NEDD4L: variants seen among roughly 807,000 people sequenced by gnomAD.
NEDD4L encodes the protein NEDD4 like E3 ubiquitin protein ligase, also known as E3 ubiquitin-protein ligase NEDD4-like.
A neutral mutation model predicts 148.9 loss-of-function variants in NEDD4L; 54 were observed. The observed-to-expected ratio is 0.36, with a 90% CI of 0.29 to 0.45. The LOEUF (loss-of-function observed/expected upper bound fraction) is 0.45, where lower values mean the gene tolerates loss of function less well. NEDD4L is among the 20% of genes least tolerant of loss of function. The pLI, the probability that NEDD4L is intolerant of heterozygous loss-of-function variation, is 1.00. For missense variants in NEDD4L, 856 were observed against 1,233.8 expected (o/e 0.69, Z 4.59); for synonymous variants, 433 against 440.7 (o/e 0.98, Z 0.22).
chr18:58,189,132 A>G (rs1305283718), intron 2 of NEDD4L, among the ~76,000 whole-genome samples: 2 of 152,208 alleles, frequency 1.3e-5, no homozygotes, highest in Non-Finnish European at 2.9e-5. Context: ...TAAAGAAACC[A>G]TTCTGCTGCA....
At chr18:58,272,851 C>G (rs1392062906) in intron 5 of NEDD4L, among the ~76,000 whole-genome samples, 11 of 152,194 alleles carry the variant, frequency 7.2e-5, no homozygotes. Context: ...GTGGAGACTG[C>G]AGACCATGGC....
At chr18:58,265,569 G>T (rs1254756305) in intron 5 of NEDD4L, among the ~76,000 whole-genome samples, 1 of 151,976 alleles carries the variant, frequency 6.6e-6, no homozygotes, top group Non-Finnish European at 1.5e-5. Context: ...TTTCTTTTGG[G>T]GAATTGAGGG....
chr18:58,095,458 G>A (rs112755435), intron 1 of NEDD4L, among the ~76,000 whole-genome samples: 14,558 of 134,006 alleles, frequency 0.11, 830 homozygotes, highest in African/African-American at 0.18. Context: ...CGCGTGGGGA[G>A]TAATTGGATC....
intron 1 of NEDD4L, among the ~76,000 whole-genome samples, chr18:58,131,574 T>C (rs1441258035): frequency 6.6e-6 from 1 of 151,044 alleles, no homozygotes; most frequent in Non-Finnish European, 1.5e-5. Context: ...CTGTTGGATT[T>C]GGTTGGTTGT....
rs576351227 is a variant in NEDD4L, at chr18:58,133,595, AT to A, written c.49-32185del. On this transcript the variant is annotated intron_variant, in intron 1 of 30. Transcript: ENST00000400345. ...AGTAAAAATCCTAAATTGCAAGTTGATTTTTTTTCTTAATATAGTAATACGT... is the reference window on the plus strand; with the variant it reads ...AGTAAAAATCCTAAATTGCAAGTTGATTTTTTTCTTAATATAGTAATACGT... 2.8e-3 allele frequency among the ~76,000 whole-genome samples: 419 copies of A among 152,114 alleles called. 7 individuals carry two copies. Among genetic ancestry groups the A allele is most frequent in the East Asian group, 2.5e-3 (13 of 5,178 alleles).
At chr18:58,114,120 T>C (rs1246456559) in intron 1 of NEDD4L, among the ~76,000 whole-genome samples, 1 of 152,214 alleles carries the variant, frequency 6.6e-6, no homozygotes, top group Non-Finnish European at 1.5e-5. Flanking sequence ...GAAACCACTT[T>C]TGAGTTTTTA....
In NEDD4L at chr18:58,256,301, G is replaced by C. The variant is rs1384109127; in HGVS notation, c.297+4247G>C. 2 of 1,231,668 alleles carry C rather than the reference G, an allele frequency of 1.6e-6. No individual in the cohort carries two copies. Among genetic ancestry groups the C allele is most frequent in the African/African-American group, 1.6e-5 (1 of 64,404 alleles). 76.3% of individuals were successfully genotyped at this position (1,231,668 alleles called of 1,614,324 possible). The stretch of plus-strand genomic sequence containing the variant: ...TGGCCAGGGCGGCCCGGCCGCGGCA[G>C]AGCCCAGGCGCTGGTCCCTGCAGCA... On this transcript the variant is annotated intron_variant, in intron 5 of 30. Transcript: ENST00000400345. This position sits in a 1 kb window ranked among gnomAD's most constrained non-coding sequence, Gnocchi z 5.2.
At chr18:58,096,754 G>A (rs1186796381) in intron 1 of NEDD4L, among the ~76,000 whole-genome samples, 1 of 152,128 alleles carries the variant, frequency 6.6e-6, no homozygotes, top group Non-Finnish European at 1.5e-5. Flanking sequence ...ACATCAGTAA[G>A]TTCAGAAACC....
intron 19 of NEDD4L, among the ~76,000 whole-genome samples, chr18:58,359,643 A>G (rs1056620713): frequency 6.6e-6 from 1 of 152,150 alleles, no homozygotes; most frequent in Admixed American, 6.5e-5. Flanking sequence ...TGGTTCTTCC[A>G]TCCATTTTTT....
chr18:58,393,865 A>G (rs1317316080), intron 30 of NEDD4L, among the ~76,000 whole-genome samples: 1 of 152,244 alleles, frequency 6.6e-6, no homozygotes, highest in African/African-American at 2.4e-5. Context: ...GGTACCTTTC[A>G]TTAAGCTTTC....
rs1245698456 is a variant in NEDD4L at position 58,256,879 on chromosome 18, G to A, written c.297+4825G>A. Reference sequence around the variant, plus strand: ...CACCCTCTGTTCCGGGAGTTTCCCTGCTTCAGGCCAGTGGATCTGAATGTT... The same window carrying A: ...CACCCTCTGTTCCGGGAGTTTCCCTACTTCAGGCCAGTGGATCTGAATGTT... On this transcript the variant is annotated intron_variant, in intron 5 of 30. Transcript: ENST00000400345. The surrounding 1 kb of genome is among the most constrained non-coding windows in gnomAD (Gnocchi z 5.2). 2.9e-6 allele frequency: 3 copies of A among 1,037,502 alleles called. No homozygotes were observed. The highest frequency in any genetic ancestry group is 1.7e-5 in the African/African-American group (1 of 60,578). 64.3% of individuals were successfully genotyped at this position (1,037,502 alleles called of 1,614,324 possible). A position where few individuals can be genotyped will look rare whatever the true frequency, so the allele number is the denominator to read the frequency against.
At chr18:58,287,842 A>AGAGTCC (rs1257390081) in intron 5 of NEDD4L, among the ~76,000 whole-genome samples, 1 of 152,220 alleles carries the variant, frequency 6.6e-6, no homozygotes. Flanking sequence ...AGCAAGGAGC[A>AGAGTCC]GAGTCCATTT....
rs375061430 is a variant in NEDD4L at position 58,341,773 on chromosome 18, A to G, written c.1353A>G (p.Thr451=). 6 of 1,613,588 alleles carry G rather than the reference A, an allele frequency of 3.7e-6. No individual in the cohort carries two copies. In the Admixed American group the frequency reaches 6.7e-5, roughly 18 times the overall value. ...IRRPRSLSSP[T]VTLSAPLEGA... ...GGCCTCGTAGCCTCAGCTCGCCAAC[A>G]GTAACTTTATCTGCCCCGCTGGAGG... The change falls in exon 15 of 31, where the codon ACA becomes ACG. Residue 451 remains threonine, a synonymous_variant. Coordinates refer to ENST00000400345, the MANE Select transcript of NEDD4L (RefSeq NM_001144967.3).
chr18:58,201,779 A>G (rs569837119), intron 2 of NEDD4L, among the ~76,000 whole-genome samples: 1 of 152,348 alleles, frequency 6.6e-6, no homozygotes, highest in East Asian at 1.9e-4. Context: ...TCTCTTACTC[A>G]TAAAGCAGCA....
chr18:58,079,166 C>T (rs1006526878), intron 1 of NEDD4L, among the ~76,000 whole-genome samples: 1 of 152,094 alleles, frequency 6.6e-6, no homozygotes, highest in Non-Finnish European at 1.5e-5. Flanking sequence ...GGCTCAGTTC[C>T]GGGGTTTAAT....
intron 5 of NEDD4L, among the ~76,000 whole-genome samples, chr18:58,310,822 G>A (rs1257575033): frequency 2.0e-5 from 3 of 152,242 alleles, no homozygotes; most frequent in African/African-American, 7.2e-5. Context: ...TGGGGTAGCT[G>A]CACTCGCTAG....
intron 1 of NEDD4L, chr18:58,149,374 G>A: frequency 7.0e-7 from 1 of 1,436,086 alleles, no homozygotes; most frequent in African/African-American, 1.4e-5. Flanking sequence ...TGCTTTCCTG[G>A]GAGTCAAGTT....
At chr18:58,318,240 G>C (rs2058467865) in intron 6 of NEDD4L, among the ~76,000 whole-genome samples, 1 of 152,210 alleles carries the variant, frequency 6.6e-6, no homozygotes, top group Non-Finnish European at 1.5e-5. Flanking sequence ...TTCAAAATTT[G>C]TCAAAACCAC....
Position 58,203,253 on chromosome 18 carries a change from C to T in NEDD4L, c.122+37392C>T, listed in dbSNP as rs145236981. ...AAGTGCTGGGATGATAGGTGTAAGC[C>T]GCCGCACCTGGCCCTCAGTGCATAC... is the stretch of plus-strand genomic sequence containing the variant. On this transcript the variant is annotated intron_variant, in intron 2 of 30. Coordinates refer to ENST00000400345, the MANE Select transcript of NEDD4L (RefSeq NM_001144967.3). Among the ~76,000 whole-genome samples, 399 of 152,234 alleles carry T rather than the reference C, an allele frequency of 2.6e-3. 4 individuals carry two copies. Among genetic ancestry groups the T allele is most frequent in the Admixed American group, 0.022 (329 of 15,294 alleles).
Sources: allele counts gnomAD v4.1 joint callset (sites outside exome capture counted in the v4.1 genomes callset), GRCh38; gene constraint gnomAD v4.1.1; non-coding constraint Gnocchi (gnomAD v3.1); transcripts MANE v1.5; gene names NCBI Gene and HGNC (gene_info 2026-07-23, HGNC 2026-07-21).